IPO9: variants seen among roughly 807,000 people sequenced by gnomAD.
The protein encoded by IPO9 is importin-9.
Under a neutral mutation model 128.6 loss-of-function variants are expected in IPO9, and 28 were observed. That is an observed-to-expected ratio of 0.22 (90% CI 0.16 to 0.30). The LOEUF (loss-of-function observed/expected upper bound fraction) is 0.30, where lower values mean the gene tolerates loss of function less well. IPO9 is among the 10% of genes least tolerant of loss of function. The probability of loss-of-function intolerance (pLI) is 1.00; values close to 1 mark genes in which losing one functional copy is unlikely to be tolerated. For synonymous variants in IPO9, 455 were observed against 475.8 expected, an observed-to-expected ratio of 0.96 and a Z score of 0.57; for missense variants, 935 against 1,293.9, an observed-to-expected ratio of 0.72 and a Z score of 4.26.
chr1:201,839,007 C>T (rs1299905848), intron 1 of IPO9, among the ~76,000 whole-genome samples: 1 of 151,274 alleles, frequency 6.6e-6, no homozygotes, highest in African/African-American at 2.4e-5. Flanking sequence ...GCAACCTCCG[C>T]CTCCTGGATT....
intron 4 of IPO9, among the ~76,000 whole-genome samples, chr1:201,848,893 T>C (rs1421410722): frequency 6.6e-6 from 1 of 152,234 alleles, no homozygotes; most frequent in Non-Finnish European, 1.5e-5. Context: ...TTCACTTACC[T>C]TCTTTGAGCC....
chr1:201,861,340 A>G (rs945453519), intron 13 of IPO9, among the ~76,000 whole-genome samples: 1 of 152,200 alleles, frequency 6.6e-6, no homozygotes, highest in Non-Finnish European at 1.5e-5. Context: ...TGCCAAAGCA[A>G]TATGCATTTA....
chr1:201,839,835 T>C (rs1221769720), intron 1 of IPO9, among the ~76,000 whole-genome samples: 2 of 152,044 alleles, frequency 1.3e-5, no homozygotes, highest in African/African-American at 4.8e-5. Context: ...TTTTTTACAA[T>C]TTACATGGGA....
chr1:201,865,886 GT>G (rs1431313395), intron 14 of IPO9, among the ~76,000 whole-genome samples: 2 of 152,146 alleles, frequency 1.3e-5, no homozygotes, highest in Non-Finnish European at 2.9e-5. Context: ...GAGGTCAGGA[GT>G]TCGCTCCATT....
intron 19 of IPO9, 150 bp downstream of exon 19, chr1:201,871,477 C>G: frequency 1.8e-6 from 1 of 553,920 alleles, no homozygotes; most frequent in Non-Finnish European, 3.0e-6. Context: ...ACCTCCACCT[C>G]CTAGGTTCAA....
rs181121735 is a variant in IPO9 at position 201,860,300 on chromosome 1, C to T, written c.1468+1306C>T. Among the ~76,000 whole-genome samples, 230 of 152,330 alleles carry T rather than the reference C, an allele frequency of 1.5e-3. 1 individual carries two copies. The highest frequency in any genetic ancestry group is 5.1e-3 in the African/African-American group (213 of 41,576). ...ATCGGGTGTCTCAGTCCATCACTTC[C>T]ATTCTCTGAATCACAAATTAAAATG... On this transcript the variant is annotated intron_variant, in intron 13 of 23. Coordinates refer to ENST00000361565, the MANE Select transcript of IPO9 (RefSeq NM_018085.5).
chr1:201,855,879 C>A lies in IPO9; in HGVS notation c.1067C>A (p.Ala356Asp), dbSNP rs202009174. Residue 356 changes from alanine (A) to aspartate (D), a missense_variant, in exon 10 of 24, where the codon GCC (alanine) becomes GAC (aspartate). By Grantham distance (126) the Ala-to-Asp change is moderately radical (BLOSUM62 -2). Around this residue, in one of 3 missense-constraint regions of IPO9, gnomAD observed 741 missense variants for 1,019.1 expected, o/e 0.73. Transcript: ENST00000361565. ...NSKFKSTVKK[A>D]LPELIYYIIL... ...AAATTCAAAAGCACTGTTAAGAAAGCCTTGCCTGAATTGATTTATTATATT... is the reference window on the plus strand; with the variant it reads ...AAATTCAAAAGCACTGTTAAGAAAGACTTGCCTGAATTGATTTATTATATT... The A allele has an allele frequency of 6.2e-7, 1 of 1,611,710 alleles. No homozygotes were observed. Among genetic ancestry groups the A allele is most frequent in the South Asian group, 1.1e-5 (1 of 90,412 alleles).
chr1:201,857,250 CT>C, intron 11 of IPO9, 56 bp downstream of exon 11: 1 of 1,231,494 alleles, frequency 8.1e-7, no homozygotes, highest in Admixed American at 1.7e-5. Flanking sequence ...TTGAGCATTT[CT>C]TCTTTTTTGT....
chr1:201,854,750 G>T (rs759404505), intron 7 of IPO9, 36 bp downstream of exon 7: 1 of 1,610,820 alleles, frequency 6.2e-7, no homozygotes, highest in South Asian at 1.1e-5. Flanking sequence ...TTTGGAGTTT[G>T]AGGGGCTGGT....
chr1:201,848,359 G>A (rs552919234), intron 3 of IPO9, 34 bp from the exon 4 acceptor site: 19 of 1,585,216 alleles, frequency 1.2e-5, no homozygotes, highest in Non-Finnish European at 1.6e-5. Flanking sequence ...CTTTTAACCT[G>A]ATCTAATAGC....
At chr1:201,859,120 G>A (rs962874178) in intron 13 of IPO9, 126 bp downstream of exon 13, 1 of 740,946 alleles carries the variant, frequency 1.3e-6, no homozygotes, top group African/African-American at 1.8e-5. Context: ...ACACCAACAT[G>A]GCACATGTAT....
At chr1:201,871,376 CTTTTTTTTTTTT>C (rs556986429) in intron 19 of IPO9, 49 bp downstream of exon 19, 51 of 149,282 alleles carry the variant, frequency 3.4e-4, no homozygotes, top group South Asian at 7.4e-4. Context: ...ACTCATATTT[CTTTTTTTTTTTT>C]TTTTTTTTTT....
intron 23 of IPO9, 46 bp from the exon 24 acceptor site, chr1:201,875,898 G>T (rs1183068562): frequency 1.6e-6 from 2 of 1,212,612 alleles, no homozygotes; most frequent in Non-Finnish European, 2.4e-6. Context: ...CTGCAAATGG[G>T]TGACTTGCAA....
chr1:201,863,724 G>A, intron 14 of IPO9, 117 bp downstream of exon 14: 1 of 957,102 alleles, frequency 1.0e-6, no homozygotes, highest in Non-Finnish European at 1.5e-6. Flanking sequence ...ATATCCTTCA[G>A]GGTGAATGTT....
Position 201,840,762 on chromosome 1 carries a change from A to G in IPO9, c.164-6517A>G, listed in dbSNP as rs145680866. ...AAATCCCAAGATATAATGTTAGCTG[A>G]AAAAAAGCAAAGTGCAAAAGAGTGT... On this transcript the variant is annotated intron_variant, in intron 1 of 23. Coordinates refer to ENST00000361565, the MANE Select transcript of IPO9 (RefSeq NM_018085.5). Among the ~76,000 whole-genome samples the G allele has an allele frequency of 5.5e-3, 843 of 152,316 alleles. 4 individuals carry two copies. Among genetic ancestry groups the G allele is most frequent in the African/African-American group, 0.018 (739 of 41,564 alleles).
chr1:201,878,291 G>A lies in IPO9; in HGVS notation c.*2237G>A, dbSNP rs1359873325. Reference sequence around the variant, plus strand: ...AGTTTATCTCAAGGCAGTGCCAGTCGGATTTGGTGCTAAAGGCATAAGGCC... The same window carrying A: ...AGTTTATCTCAAGGCAGTGCCAGTCAGATTTGGTGCTAAAGGCATAAGGCC... On this transcript the variant is annotated 3_prime_UTR_variant, in exon 24 of 24. Transcript: ENST00000361565. 5 of 152,542 alleles carry A rather than the reference G, an allele frequency of 3.3e-5. No homozygotes were observed. The highest frequency in any genetic ancestry group is 4.1e-4 in the South Asian group (2 of 4,822). 9.4% of individuals were successfully genotyped at this position (152,542 alleles called of 1,614,324 possible).
rs4025036 is a variant in IPO9, at chr1:201,839,560, CAAAAAAAA to C, written c.164-7702_164-7695del. On this transcript the variant is annotated intron_variant, in intron 1 of 23. Coordinates refer to ENST00000361565, the MANE Select transcript of IPO9 (RefSeq NM_018085.5). ...TGGGCGACAGAGCAAGACTCCATCT[CAAAAAAAA>C]AAAAAAAAAAAAAAAAGTGCTGCTA... Among the ~76,000 whole-genome samples, 261 of 33,952 alleles carry C rather than the reference CAAAAAAAA, an allele frequency of 7.7e-3. 10 individuals carry two copies. In the South Asian group the frequency reaches 0.18, roughly 23 times the overall value. The allele number at this position is 33,952 out of a possible 152,430, so 22.3% of individuals were successfully genotyped here.
chr1:201,873,303 G>T (rs1364716573), intron 20 of IPO9, among the ~76,000 whole-genome samples: 1 of 152,068 alleles, frequency 6.6e-6, no homozygotes, highest in Non-Finnish European at 1.5e-5. Context: ...AAATTAGCCA[G>T]GCATGGTGGT....
intron 1 of IPO9, among the ~76,000 whole-genome samples, chr1:201,832,949 G>A (rs1422280895): frequency 6.6e-6 from 1 of 152,244 alleles, no homozygotes; most frequent in Non-Finnish European, 1.5e-5. Context: ...TTGACATGCT[G>A]TGACCAAATT....
Sources: allele counts gnomAD v4.1 joint callset (sites outside exome capture counted in the v4.1 genomes callset), GRCh38; gene constraint gnomAD v4.1.1; regional missense constraint gnomAD v4.1.1; transcripts MANE v1.5; gene names NCBI Gene and HGNC (gene_info 2026-07-23, HGNC 2026-07-21).